Variants in ALMS1 observed in about 807,000 individuals in gnomAD.
The protein encoded by ALMS1 is centrosome-associated protein ALMS1.
Under a neutral mutation model 352.2 loss-of-function variants are expected in ALMS1, and 271 were observed. That is an observed-to-expected ratio of 0.77 (90% CI 0.70 to 0.85). The LOEUF is 0.85. Ranked by LOEUF, ALMS1 falls within the 40% of genes least tolerant of loss-of-function variation. The pLI is 0.00. For synonymous variants in ALMS1, 1,865 were observed against 1,761.2 expected (o/e 1.06, Z -1.48); for missense variants, 5,445 against 4,870.7 (o/e 1.12, Z -3.51).
At chr2:73,504,172 A>G (rs1308903634) in intron 10 of ALMS1, among the ~76,000 whole-genome samples, 1 of 152,234 alleles carries the variant, frequency 6.6e-6, no homozygotes, top group Non-Finnish European at 1.5e-5. Context: ...TTACATAACT[A>G]TAATGCATTA....
chr2:73,525,566 A>G (rs1017837046), intron 11 of ALMS1, among the ~76,000 whole-genome samples: 1 of 151,952 alleles, frequency 6.6e-6, no homozygotes, highest in African/African-American at 2.4e-5. Context: ...TTTGCCATTT[A>G]TATGTCTTCT....
chr2:73,453,080 C>T lies in ALMS1; in HGVS notation c.6553C>T (p.Pro2185Ser), dbSNP rs77555300. ...ADQITGLQTV[P>S]SGTYSHGENH... ...TCAAATTACCGGATTACAAACAGTT[C>T]CCTCTGGTACTTACTCACATGGTGA... is the stretch of plus-strand genomic sequence containing the variant. The change falls in exon 8 of 23, where the codon CCC becomes TCC. Residue 2185 changes from proline to serine, a missense_variant. Pro to Ser is a moderately conservative substitution (Grantham distance 74). Coordinates refer to ENST00000613296, the MANE Select transcript of ALMS1 (RefSeq NM_001378454.1). 2,906 of 1,614,006 alleles carry T rather than the reference C, an allele frequency of 1.8e-3. 48 individuals are homozygous for T. In the African/African-American group the frequency reaches 0.033, roughly 19 times the overall value.
intron 14 of ALMS1, among the ~76,000 whole-genome samples, chr2:73,557,820 G>C (rs1294393089): frequency 6.6e-6 from 1 of 152,178 alleles, no homozygotes; most frequent in African/African-American, 2.4e-5. Context: ...GATTAGTTTT[G>C]ACTCAGAGAG....
chr2:73,422,362 A>G (rs1671299296), intron 3 of ALMS1, among the ~76,000 whole-genome samples: 1 of 152,148 alleles, frequency 6.6e-6, no homozygotes, highest in African/African-American at 2.4e-5. Flanking sequence ...ATTATTTTGA[A>G]TAAAATTTTG....
At chr2:73,468,568 C>T (rs1234485114) in intron 9 of ALMS1, among the ~76,000 whole-genome samples, 1 of 152,028 alleles carries the variant, frequency 6.6e-6, no homozygotes, top group Non-Finnish European at 1.5e-5. Flanking sequence ...CTGCCCCAGG[C>T]AGCCACCATT....
At chr2:73,425,092 A>G (rs1457843554) in intron 5 of ALMS1, among the ~76,000 whole-genome samples, 190 bp downstream of exon 5, 1 of 152,062 alleles carries the variant, frequency 6.6e-6, no homozygotes, top group Non-Finnish European at 1.5e-5. Context: ...GCTGCTCATC[A>G]TCATCATCAT....
chr2:73,430,129 T>G (rs1671469981), intron 6 of ALMS1, among the ~76,000 whole-genome samples: 1 of 151,286 alleles, frequency 6.6e-6, no homozygotes, highest in Non-Finnish European at 1.5e-5. Context: ...CAGGCTGGAA[T>G]GCAGTGGTGC....
intron 7 of ALMS1, among the ~76,000 whole-genome samples, chr2:73,438,199 T>C (rs1339646771): frequency 1.3e-5 from 2 of 152,220 alleles, no homozygotes; most frequent in East Asian, 3.8e-4. Flanking sequence ...GAAAGAAATA[T>C]TTGTGTCCAT....
At chr2:73,596,384 T>A (rs889348147) in intron 16 of ALMS1, among the ~76,000 whole-genome samples, 4 of 152,184 alleles carry the variant, frequency 2.6e-5, no homozygotes, top group African/African-American at 9.7e-5. Context: ...AATTAGTTGC[T>A]TTGGCCCTTT....
intron 13 of ALMS1, among the ~76,000 whole-genome samples, chr2:73,555,417 AAAT>A (rs1443227073): frequency 6.6e-6 from 1 of 152,210 alleles, no homozygotes; most frequent in African/African-American, 2.4e-5. Flanking sequence ...TATCTGGAAA[AAAT>A]AAAATCAGAT....
At chr2:73,545,569 A>G (rs762407139) in intron 12 of ALMS1, among the ~76,000 whole-genome samples, 15 of 152,240 alleles carry the variant, frequency 9.9e-5, no homozygotes, top group South Asian at 2.1e-4. Flanking sequence ...GTAGATGTCT[A>G]TGTTCCAAAT....
chr2:73,597,356 A>T (rs1477341469), intron 16 of ALMS1, among the ~76,000 whole-genome samples: 1 of 152,136 alleles, frequency 6.6e-6, no homozygotes, highest in Non-Finnish European at 1.5e-5. Context: ...AAAGAAAATC[A>T]TGTCATTTGT....
intron 16 of ALMS1, among the ~76,000 whole-genome samples, chr2:73,597,950 C>T (rs377235596): frequency 6.6e-6 from 1 of 152,206 alleles, no homozygotes; most frequent in African/African-American, 2.4e-5. Context: ...GTAAATTCTC[C>T]TGCTTTCCAT....
intron 16 of ALMS1, among the ~76,000 whole-genome samples, chr2:73,580,448 G>C (rs1675154110): frequency 1.3e-5 from 2 of 152,036 alleles, no homozygotes; most frequent in South Asian, 4.1e-4. Flanking sequence ...TCTTTGTTGA[G>C]ACATTGTTCT....
rs369658981 is a variant in ALMS1 at position 73,604,161 on chromosome 2, G to GATAAAAGT, written c.12362+861_12362+862insAAGTATAA. ...GGTAATACTGATTGCCTTTGGAAAGGATAACAGTAGATTTTTTGACTTTTT... is the reference window on the plus strand; with the variant it reads ...GGTAATACTGATTGCCTTTGGAAAGGATAAAAGTATAACAGTAGATTTTTTGACTTTTT... On this transcript the variant is annotated intron_variant, in intron 21 of 22. Coordinates refer to ENST00000613296, the MANE Select transcript of ALMS1 (RefSeq NM_001378454.1). 1.2e-3 allele frequency among the ~76,000 whole-genome samples: 188 copies of GATAAAAGT among 152,320 alleles called. 1 individual carries two copies. The highest frequency in any genetic ancestry group is 4.1e-3 in the African/African-American group (172 of 41,566).
At chr2:73,596,527 A>G (rs2104179118) in intron 16 of ALMS1, among the ~76,000 whole-genome samples, 1 of 148,518 alleles carries the variant, frequency 6.7e-6, no homozygotes, top group South Asian at 2.1e-4. Context: ...GCGGGAGTGC[A>G]GTGGCACAAT....
rs780902654 is a variant in ALMS1, at chr2:73,489,613, CTGTT to C, written c.7675-13_7675-10del. ...TACTTGGACTACTTCAAATAAGAAC[CTGTT>C]TGTTTGTATCTTCTAGGGTTTACAG... On this transcript the variant is annotated splice_polypyrimidine_tract_variant and intron_variant, in intron 9 of 22. Coordinates refer to ENST00000613296, the MANE Select transcript of ALMS1 (RefSeq NM_001378454.1). 5 of 1,613,762 alleles carry C rather than the reference CTGTT, an allele frequency of 3.1e-6. No individual in the cohort carries two copies. Among genetic ancestry groups the C allele is most frequent in the Admixed American group, 3.3e-5 (2 of 60,012 alleles).
rs1435867168 is a variant in ALMS1, at chr2:73,451,337, A to G, written c.4810A>G (p.Thr1604Ala). 6.2e-7 allele frequency: 1 copy of G among 1,613,650 alleles called. No homozygotes were observed. Among genetic ancestry groups the G allele is most frequent in the Non-Finnish European group, 8.5e-7 (1 of 1,179,906 alleles). ...ALKVSIVSGP[T>A]EKKTDIPAGP... ...GAAAGTTTCCATTGTTTCTGGACCT[A>G]CTGAAAAAAAGACTGACATACCAGC... The change falls in exon 8 of 23, where the codon ACT becomes GCT. Residue 1604 changes from threonine to alanine, a missense_variant. Thr to Ala is a moderately conservative substitution (Grantham distance 58, BLOSUM62 0). Transcript: ENST00000613296.
At position 73,452,868 on chromosome 2, in the gene ALMS1, T is replaced by C; in HGVS notation, c.6341T>C (p.Val2114Ala). The change falls in exon 8 of 23, where the codon GTA becomes GCA. Residue 2114 changes from valine (V) to alanine (A), a missense_variant. By Grantham distance (64) the Val-to-Ala change is moderately conservative. Transcript: ENST00000613296. ...FSPQELPGSH[V>A]TEDVLKVSTI... ...CCACAGGAATTGCCAGGTAGTCATG[T>C]AACTGAAGATGTGCTGAAGGTTTCA... 1 of 1,613,916 alleles carries C rather than the reference T, an allele frequency of 6.2e-7. No individual in the cohort carries two copies. Among genetic ancestry groups the C allele is most frequent in the Non-Finnish European group, 8.5e-7 (1 of 1,179,974 alleles).
Sources: gnomAD v4.1 joint callset for allele counts (sites outside exome capture counted in the v4.1 genomes callset) on GRCh38, gnomAD v4.1.1 for gene constraint, MANE v1.5 for transcripts, NCBI Gene and HGNC (gene_info 2026-07-23, HGNC 2026-07-21) for gene names.